Variants in CNTN4 observed in about 807,000 individuals in gnomAD.
CNTN4 encodes the protein contactin-4.
A neutral mutation model predicts 122.5 loss-of-function variants in CNTN4; 77 were observed. That is an observed-to-expected ratio of 0.63 (90% confidence interval 0.52 to 0.76). The LOEUF (loss-of-function observed/expected upper bound fraction) is 0.76. Ranked by LOEUF, CNTN4 falls within the 30% of genes least tolerant of loss-of-function variation. CNTN4 has a pLI of 0.00. For synonymous variants in CNTN4, 512 were observed against 447.0 expected (o/e 1.15, Z -1.83); for missense variants, 1,256 against 1,259.1 (o/e 1.00, Z 0.04).
At chr3:2,883,355 T>G (rs1253505285) in intron 9 of CNTN4, 108 bp downstream of exon 9, 8 of 795,242 alleles carry the variant, frequency 1.0e-5, no homozygotes, top group South Asian at 1.5e-5. Context: ...GAAAAGCAAG[T>G]GAAGCCTTTC....
chr3:2,327,942 G>C (rs2043529924), intron 2 of CNTN4, among the ~76,000 whole-genome samples: 1 of 152,166 alleles, frequency 6.6e-6, no homozygotes, highest in East Asian at 1.9e-4. Context: ...CTTCCCCACT[G>C]AAGTAGGTCA....
chr3:2,183,682 A>C (rs2037121500), intron 2 of CNTN4, among the ~76,000 whole-genome samples: 2 of 152,172 alleles, frequency 1.3e-5, no homozygotes, highest in African/African-American at 4.8e-5. Flanking sequence ...TTTTGTGGCC[A>C]CTGGGCAAGA....
Position 2,098,987 on chromosome 3 carries a change from G to A in CNTN4, c.-227+9G>A, listed in dbSNP as rs2125066908. The A allele has an allele frequency of 6.6e-6, 1 of 152,486 alleles. No individual in the cohort carries two copies. The highest frequency in any genetic ancestry group is 1.9e-4 in the East Asian group (1 of 5,164). The allele number at this position is 152,486 out of a possible 1,614,324, so 9.4% of individuals were successfully genotyped here. A position where few individuals can be genotyped will look rare whatever the true frequency, so the allele number is the denominator to read the frequency against. On this transcript the variant is annotated intron_variant, in intron 1 of 24. Transcript: ENST00000418658. ...GGCGCCCCGGTGCTGAGGTAAGTGA[G>A]GCGGCAGCTGTGCGGGTCCGGCTCC... is the stretch of plus-strand genomic sequence containing the variant.
chr3:3,025,995 A>C, intron 14 of CNTN4, 107 bp from the exon 15 acceptor site: 1 of 1,127,264 alleles, frequency 8.9e-7, no homozygotes, highest in South Asian at 1.3e-5. Flanking sequence ...GAAAAAATAA[A>C]GCAAAATTAC....
Position 2,216,831 on chromosome 3 carries a change from C to T in CNTN4, c.-145+116192C>T, listed in dbSNP as rs138336131. 2.9e-4 allele frequency among the ~76,000 whole-genome samples: 44 copies of T among 152,260 alleles called. No individual in the cohort carries two copies. In the Middle Eastern group the frequency reaches 0.01, roughly 35 times the overall value. ...AGTTACGGCCTCTTGAAAAGTCTTGCGGTCTCAGTCTTATCAACTTTTCTT... is the reference window on the plus strand; with the variant it reads ...AGTTACGGCCTCTTGAAAAGTCTTGTGGTCTCAGTCTTATCAACTTTTCTT... On this transcript the variant is annotated intron_variant, in intron 2 of 24. Coordinates refer to ENST00000418658, the MANE Select transcript of CNTN4 (RefSeq NM_175607.3).
chr3:2,668,205 T>G (rs2084285354), intron 4 of CNTN4, among the ~76,000 whole-genome samples: 1 of 152,208 alleles, frequency 6.6e-6, no homozygotes, highest in South Asian at 2.1e-4. Context: ...TTCACAATAT[T>G]GATTCTTCCT....
chr3:2,967,922 G>A (rs1376692923), intron 13 of CNTN4, among the ~76,000 whole-genome samples: 1 of 150,158 alleles, frequency 6.7e-6, no homozygotes, highest in Non-Finnish European at 1.5e-5. Context: ...AAGTTGTGCC[G>A]CCTTTGGTAC....
chr3:2,101,180 C>T (rs959427551), intron 2 of CNTN4, among the ~76,000 whole-genome samples: 2 of 152,096 alleles, frequency 1.3e-5, no homozygotes, highest in African/African-American at 4.8e-5. Flanking sequence ...ACTTATTTTA[C>T]CTACTTCTCT....
At chr3:2,267,166 G>A (rs1173004400) in intron 2 of CNTN4, among the ~76,000 whole-genome samples, 1 of 152,008 alleles carries the variant, frequency 6.6e-6, no homozygotes, top group African/African-American at 2.4e-5. Flanking sequence ...TTACGATTGT[G>A]GTGTGTAGAA....
At chr3:2,119,788 AAAG>A (rs139122744) in intron 2 of CNTN4, among the ~76,000 whole-genome samples, 32,846 of 152,126 alleles carry the variant, frequency 0.22, 3,797 homozygotes, top group South Asian at 0.39. Context: ...GTAGAAAAGA[AAAG>A]AAGTGGATAT....
At chr3:2,889,960 A>G in intron 10 of CNTN4, among the ~76,000 whole-genome samples, 1 of 152,158 alleles carries the variant, frequency 6.6e-6, no homozygotes, top group East Asian at 1.9e-4. Flanking sequence ...TGGAGATGAA[A>G]ATCAGGTTCT....
At chr3:2,933,033 A>C (rs1053195016) in intron 13 of CNTN4, among the ~76,000 whole-genome samples, 1 of 152,154 alleles carries the variant, frequency 6.6e-6, no homozygotes, top group East Asian at 1.9e-4. Flanking sequence ...CGTGTTAGCC[A>C]GGATGGTCTC....
chr3:2,278,581 A>G (rs567158230), intron 2 of CNTN4, among the ~76,000 whole-genome samples: 9 of 152,360 alleles, frequency 5.9e-5, no homozygotes, highest in Admixed American at 5.9e-4. Flanking sequence ...TACAGTATGC[A>G]CAAGTGTATA....
chr3:2,679,854 G>C (rs551405690), intron 4 of CNTN4, among the ~76,000 whole-genome samples: 1 of 152,002 alleles, frequency 6.6e-6, no homozygotes, highest in East Asian at 1.9e-4. Flanking sequence ...GATTTTTATT[G>C]TCTGCCTCAC....
At chr3:2,895,435 A>C (rs2151082969) in intron 10 of CNTN4, among the ~76,000 whole-genome samples, 1 of 152,348 alleles carries the variant, frequency 6.6e-6, no homozygotes, top group East Asian at 1.9e-4. Flanking sequence ...TTATGTATTC[A>C]TGAATACCTA....
chr3:2,780,736 T>G (rs2149849059), intron 6 of CNTN4, among the ~76,000 whole-genome samples: 1 of 152,362 alleles, frequency 6.6e-6, no homozygotes, highest in Admixed American at 6.5e-5. Context: ...GCCCTTAAAA[T>G]TCCACGCCCG....
chr3:3,042,957 C>A lies in CNTN4; in HGVS notation c.2512-20C>A, dbSNP rs1332555167. ...CCCCATTGGGTATGGTTTCCAAGGT[C>A]TTTCTGTTTATCTTCTTAGGTTAAA... is the stretch of plus-strand genomic sequence containing the variant. On this transcript the variant is annotated intron_variant, in intron 21 of 24. Transcript: ENST00000418658. The A allele has an allele frequency of 8.1e-6, 13 of 1,604,996 alleles. No homozygotes were observed. The highest frequency in any genetic ancestry group is 1.0e-5 in the Non-Finnish European group (12 of 1,171,866).
At chr3:2,352,420 T>C (rs903516468) in intron 3 of CNTN4, among the ~76,000 whole-genome samples, 1 of 152,144 alleles carries the variant, frequency 6.6e-6, no homozygotes, top group Non-Finnish European at 1.5e-5. Context: ...GAACCAGGGC[T>C]GCGCAGCGCT....
intron 4 of CNTN4, among the ~76,000 whole-genome samples, chr3:2,574,026 G>C (rs781024948): frequency 5.9e-5 from 9 of 152,104 alleles, no homozygotes; most frequent in Non-Finnish European, 1.0e-4. Context: ...AGACCAGCCT[G>C]ACCAACATGA....
Sources: allele counts gnomAD v4.1 joint callset (sites outside exome capture counted in the v4.1 genomes callset), GRCh38; gene constraint gnomAD v4.1.1; transcripts MANE v1.5; gene names NCBI Gene and HGNC (gene_info 2026-07-23, HGNC 2026-07-21).